TDRD3: variants seen among roughly 807,000 people sequenced by gnomAD.
TDRD3 encodes the protein tudor domain containing 3.
In TDRD3, 45 loss-of-function variants were observed where a neutral mutation model predicts 86.7. That is an observed-to-expected ratio of 0.52 (90% CI 0.41 to 0.67). TDRD3 has a LOEUF of 0.67. Among genes scored for constraint, TDRD3 ranks in the 30% least tolerant of loss-of-function variants. TDRD3 has a pLI of 0.00. For synonymous variants in TDRD3, 298 were observed against 301.7 expected (o/e 0.99, Z 0.13); for missense variants, 814 against 889.0 (o/e 0.92, Z 1.07).
Position 60,467,336 on chromosome 13 carries a change from G to T in TDRD3, c.452G>T (p.Gly151Val). 1 of 1,613,874 alleles carries T rather than the reference G, an allele frequency of 6.2e-7. No homozygotes were observed. ...LLNDSNTTVL[G>V]GEVEHLIEKW... is the part of the protein sequence containing the mutation. Reference sequence around the variant, plus strand: ...AATGACTCTAACACCACAGTTCTTGGTGGTGAAGTGGAACACCTTATTGAG... The same window carrying T: ...AATGACTCTAACACCACAGTTCTTGTTGGTGAAGTGGAACACCTTATTGAG... The change falls in exon 5 of 14, where the codon GGT becomes GTT. Residue 151 changes from glycine to valine, a missense_variant. Transcript: ENST00000377881.
chr13:60,425,104 GA>G (rs1453063954), intron 1 of TDRD3, among the ~76,000 whole-genome samples: 1 of 152,024 alleles, frequency 6.6e-6, no homozygotes, highest in African/African-American at 2.4e-5. Context: ...CTTATTCAAG[GA>G]AAAAATGCAT....
chr13:60,489,409 C>T (rs942638795), intron 7 of TDRD3, among the ~76,000 whole-genome samples: 1 of 152,070 alleles, frequency 6.6e-6, no homozygotes, highest in Non-Finnish European at 1.5e-5. Context: ...TAGTAGTGTT[C>T]TTGAATTTTG....
chr13:60,540,545 C>T (rs1052994041), intron 12 of TDRD3, among the ~76,000 whole-genome samples: 6 of 152,056 alleles, frequency 3.9e-5, no homozygotes, highest in African/African-American at 4.8e-5. Context: ...AAAATTCGTT[C>T]GTATCTAACT....
chr13:60,491,964 A>T (rs1956597918), intron 7 of TDRD3, among the ~76,000 whole-genome samples: 1 of 152,190 alleles, frequency 6.6e-6, no homozygotes, highest in African/African-American at 2.4e-5. Flanking sequence ...CTTGAGTTTC[A>T]CAGTCATGAT....
chr13:60,528,446 TAA>T lies in TDRD3; in HGVS notation c.1222_1223del (p.Asn408SerfsTer9). On this transcript the variant is annotated frameshift_variant, in exon 11 of 14. Transcript: ENST00000377881. LOFTEE classifies it high-confidence loss of function. ...CTGAGCAAAATGGAGTAAAAGATAA[TAA>T]TCATCTGAGACATCCTCCTCGAAAT... ...NTEQNGVKDN[N>X]HLRHPPRNDT... is the part of the protein sequence containing the mutation. The T allele has an allele frequency of 6.2e-7, 1 of 1,613,740 alleles. No individual in the cohort carries two copies. Among genetic ancestry groups the T allele is most frequent in the South Asian group, 1.1e-5 (1 of 91,044 alleles).
At chr13:60,547,434 A>C in intron 12 of TDRD3, 1 of 985,162 alleles carries the variant, frequency 1.0e-6, no homozygotes, top group South Asian at 4.7e-5. Context: ...GCACAGGAGG[A>C]GTCAGAAGAC....
intron 12 of TDRD3, chr13:60,537,426 A>T (rs1324805998): frequency 6.6e-6 from 1 of 152,082 alleles, no homozygotes; most frequent in Non-Finnish European, 1.5e-5. Context: ...CCCTGAAGAA[A>T]TATAGTCTGT....
chr13:60,565,916 A>G (rs1595130193), intron 12 of TDRD3, among the ~76,000 whole-genome samples: 1 of 152,216 alleles, frequency 6.6e-6, no homozygotes, highest in Admixed American at 6.5e-5. Flanking sequence ...AATTACAGAT[A>G]TAATATCTGA....
intron 12 of TDRD3, among the ~76,000 whole-genome samples, chr13:60,564,123 T>G (rs1247946453): frequency 2.0e-5 from 3 of 152,208 alleles, no homozygotes; most frequent in Non-Finnish European, 4.4e-5. Context: ...TTATTTAGTT[T>G]TATAAAACCT....
intron 12 of TDRD3, among the ~76,000 whole-genome samples, chr13:60,566,694 C>CA (rs1958467442): frequency 6.6e-6 from 1 of 152,214 alleles, no homozygotes; most frequent in Middle Eastern, 3.4e-3. Flanking sequence ...TGTGTTAATT[C>CA]AAAAACATTT....
At chr13:60,415,694 T>C (rs1323081337) in intron 1 of TDRD3, among the ~76,000 whole-genome samples, 1 of 152,166 alleles carries the variant, frequency 6.6e-6, no homozygotes, top group East Asian at 1.9e-4. Flanking sequence ...TTTTCTCAAA[T>C]GGGCAAGCTT....
At chr13:60,498,575 G>A (rs1203849922) in intron 8 of TDRD3, among the ~76,000 whole-genome samples, 1 of 152,104 alleles carries the variant, frequency 6.6e-6, no homozygotes, top group Non-Finnish European at 1.5e-5. Context: ...ATGGACAAAA[G>A]ACTAATTTGA....
At chr13:60,438,540 C>T (rs374020985) in intron 1 of TDRD3, among the ~76,000 whole-genome samples, 1 of 152,094 alleles carries the variant, frequency 6.6e-6, no homozygotes, top group African/African-American at 2.4e-5. Flanking sequence ...ACTTTTATCG[C>T]CTTGGTCTTG....
intron 3 of TDRD3, among the ~76,000 whole-genome samples, chr13:60,444,987 A>T (rs1318021061): frequency 6.6e-6 from 1 of 151,922 alleles, no homozygotes; most frequent in Non-Finnish European, 1.5e-5. Flanking sequence ...TAACTATGGC[A>T]TGCTTACATG....
intron 1 of TDRD3, among the ~76,000 whole-genome samples, chr13:60,402,907 A>AT (rs1566165774): frequency 6.6e-6 from 1 of 152,084 alleles, no homozygotes; most frequent in Non-Finnish European, 1.5e-5. Context: ...ACATCCTTCT[A>AT]TTTTGAAATA....
intron 1 of TDRD3, among the ~76,000 whole-genome samples, chr13:60,436,442 T>G (rs944724297): frequency 1.3e-5 from 2 of 152,168 alleles, no homozygotes; most frequent in Admixed American, 1.3e-4. Flanking sequence ...CTTGAGTCGA[T>G]TTTTGTATAA....
At chr13:60,452,367 C>T (rs1857415038) in intron 3 of TDRD3, among the ~76,000 whole-genome samples, 1 of 152,058 alleles carries the variant, frequency 6.6e-6, no homozygotes, top group African/African-American at 2.4e-5. Flanking sequence ...GATTGTAATT[C>T]TGTCACCTGC....
chr13:60,467,318 C>T lies in TDRD3; in HGVS notation c.434C>T (p.Ser145Phe). 2 of 1,613,948 alleles carry T rather than the reference C, an allele frequency of 1.2e-6. No homozygotes were observed. Among genetic ancestry groups the T allele is most frequent in the Non-Finnish European group, 8.5e-7 (1 of 1,179,898 alleles). ...IKNGFLLLND[S>F]NTTVLGGEVE... is the part of the protein sequence containing the mutation. ...AATGGATTCCTGCTCTTGAATGACT[C>T]TAACACCACAGTTCTTGGTGGTGAA... Residue 145 changes from serine (S) to phenylalanine (F), a missense_variant, in exon 5 of 14, where the codon TCT becomes TTT. Ser to Phe is a radical substitution (Grantham distance 155). Coordinates refer to ENST00000377881, the MANE Select transcript of TDRD3 (RefSeq NM_001146070.2).
Position 60,529,131 on chromosome 13 carries a change from A to G in TDRD3, c.1906A>G (p.Ile636Val). Reference sequence around the variant, plus strand: ...ATCTGGGCCAATTAAGCCAGAAAAAATACTAGAATCATCTATTCCTATGGA... The same window carrying G: ...ATCTGGGCCAATTAAGCCAGAAAAAGTACTAGAATCATCTATTCCTATGGA... ...RRSGPIKPEK[I>V]LESSIPMEYA... Residue 636 changes from isoleucine (I) to valine (V), a missense_variant, in exon 11 of 14, where the codon ATA becomes GTA. Transcript: ENST00000377881. The G allele has an allele frequency of 2.5e-6, 4 of 1,614,032 alleles. No individual in the cohort carries two copies. Among genetic ancestry groups the G allele is most frequent in the Non-Finnish European group, 3.4e-6 (4 of 1,179,932 alleles).
Sources: allele counts gnomAD v4.1 joint callset (sites outside exome capture counted in the v4.1 genomes callset), GRCh38; gene constraint gnomAD v4.1.1; transcripts MANE v1.5; gene names NCBI Gene and HGNC (gene_info 2026-07-23, HGNC 2026-07-21).